WSCD2: variants seen among roughly 807,000 people sequenced by gnomAD.
The protein encoded by WSCD2 is WSC domain sialate O sulfotransferase 2, also known as sialate:O-sulfotransferase 2.
In WSCD2, 28 loss-of-function variants were observed where a neutral mutation model predicts 55.7. The ratio of observed to expected loss-of-function variants is 0.50; its 90% CI spans 0.37 to 0.69. WSCD2 has a LOEUF of 0.69. Among genes scored for constraint, WSCD2 ranks in the 30% least tolerant of loss-of-function variants. The probability of loss-of-function intolerance (pLI) is 0.00; values close to 1 mark genes in which losing one functional copy is unlikely to be tolerated. For missense variants in WSCD2, 616 were observed against 762.1 expected (o/e 0.81, Z 2.26); for synonymous variants, 301 against 301.9 (o/e 1.00, Z 0.03).
chr12:108,131,136 T>C (rs1875466242), intron 1 of WSCD2, among the ~76,000 whole-genome samples: 1 of 152,138 alleles, frequency 6.6e-6, no homozygotes, highest in Non-Finnish European at 1.5e-5. Context: ...AACCCAAGAA[T>C]TCCTCCAGGG....
chr12:108,137,316 A>T (rs1876328554), intron 1 of WSCD2, among the ~76,000 whole-genome samples: 1 of 152,232 alleles, frequency 6.6e-6, no homozygotes, highest in South Asian at 2.1e-4. Flanking sequence ...ACAATAAGAA[A>T]GTAGTCTGAT....
intron 1 of WSCD2, among the ~76,000 whole-genome samples, chr12:108,180,852 G>A (rs1016391166): frequency 9.2e-5 from 14 of 152,232 alleles, no homozygotes; most frequent in Non-Finnish European, 1.9e-4. Context: ...GCTTTAAACC[G>A]AGCACAGCAG....
At chr12:108,205,785 T>C (rs1232250477) in intron 2 of WSCD2, among the ~76,000 whole-genome samples, 1 of 152,252 alleles carries the variant, frequency 6.6e-6, no homozygotes, top group African/African-American at 2.4e-5. Context: ...ACTAGGTATC[T>C]GAAAGGTTAA....
intron 1 of WSCD2, among the ~76,000 whole-genome samples, chr12:108,143,629 T>C (rs950993011): frequency 6.6e-6 from 1 of 152,170 alleles, no homozygotes; most frequent in African/African-American, 2.4e-5. Flanking sequence ...CTATTATGAC[T>C]GATGTTACAA....
chr12:108,195,195 C>G (rs1883758159), intron 1 of WSCD2, 87 bp from the exon 2 acceptor site: 1 of 152,434 alleles, frequency 6.6e-6, no homozygotes, highest in South Asian at 2.1e-4. Flanking sequence ...CGGGCCTCTG[C>G]ATTTCCCTGT....
intron 2 of WSCD2, among the ~76,000 whole-genome samples, chr12:108,200,839 G>T (rs1884574442): frequency 6.6e-6 from 1 of 152,164 alleles, no homozygotes; most frequent in African/African-American, 2.4e-5. Flanking sequence ...TGACCAAAGT[G>T]AGTGGTGCAT....
At chr12:108,231,857 C>T (rs1888794859) in intron 6 of WSCD2, among the ~76,000 whole-genome samples, 1 of 151,652 alleles carries the variant, frequency 6.6e-6, no homozygotes, top group Non-Finnish European at 1.5e-5. Flanking sequence ...TAGTAATGCA[C>T]TAATGATAGC....
At chr12:108,177,150 G>C (rs1348808231) in intron 1 of WSCD2, among the ~76,000 whole-genome samples, 1 of 151,974 alleles carries the variant, frequency 6.6e-6, no homozygotes, top group Non-Finnish European at 1.5e-5. Context: ...CTGTTAAATG[G>C]GGCTTGTATT....
intron 1 of WSCD2, among the ~76,000 whole-genome samples, chr12:108,162,484 C>A (rs1490403675): frequency 6.6e-6 from 1 of 152,212 alleles, no homozygotes. Flanking sequence ...TATCAATGTG[C>A]CCCACACATG....
At chr12:108,238,898 G>A (rs1889479920) in intron 7 of WSCD2, among the ~76,000 whole-genome samples, 1 of 152,162 alleles carries the variant, frequency 6.6e-6, no homozygotes. Flanking sequence ...TGTAACCTGG[G>A]CGAGTTATTG....
At chr12:108,152,629 G>A (rs545299290) in intron 1 of WSCD2, among the ~76,000 whole-genome samples, 2 of 152,150 alleles carry the variant, frequency 1.3e-5, no homozygotes, top group Non-Finnish European at 2.9e-5. Flanking sequence ...CCAGAAGCCC[G>A]AGGGGCCTTT....
In WSCD2 at chr12:108,179,782, CTGG is replaced by C. The variant is rs1881429343; in HGVS notation, c.-551-15499_-551-15497del. Among the ~76,000 whole-genome samples the C allele has an allele frequency of 3.3e-5, 5 of 152,350 alleles. No homozygotes were observed. The South Asian group carries it at 1.0e-3, about 32-fold the overall frequency. ...GACCTGCGTCACCTTGGGCAAGTCG[CTGG>C]ACCTATCTGAGCCTCAGTTTCTCAT... On this transcript the variant is annotated intron_variant, in intron 1 of 8. Coordinates refer to ENST00000547525, the MANE Select transcript of WSCD2 (RefSeq NM_014653.4).
intron 1 of WSCD2, among the ~76,000 whole-genome samples, chr12:108,192,036 A>G: frequency 6.6e-6 from 1 of 152,212 alleles, no homozygotes; most frequent in East Asian, 1.9e-4. Context: ...ACAATGAAAA[A>G]GGACTAGACC....
intron 1 of WSCD2, among the ~76,000 whole-genome samples, chr12:108,161,900 C>T (rs1333759676): frequency 1.3e-5 from 2 of 152,188 alleles, no homozygotes; most frequent in Non-Finnish European, 2.9e-5. Flanking sequence ...AAAAGCTCCA[C>T]CTGATCAGAA....
chr12:108,166,761 T>TTTCTTACTTTCTTTCTTTCTTTCTTTC, intron 1 of WSCD2, among the ~76,000 whole-genome samples: 1 of 124,886 alleles, frequency 8.0e-6, no homozygotes, highest in African/African-American at 3.1e-5. Flanking sequence ...TCTTTCTTTC[T>TTTCTTACTTTCTTTCTTTCTTTCTTTC]TTTCTTTCTT....
chr12:108,185,963 AGGGCTGCCAGCTGCCTCATG>A (rs1208242553), intron 1 of WSCD2, among the ~76,000 whole-genome samples: 1 of 152,176 alleles, frequency 6.6e-6, no homozygotes, highest in Non-Finnish European at 1.5e-5. Context: ...CACTTGGAGA[AGGGCTGCCAGCTGCCTCATG>A]GGGTGGCCAG....
intron 1 of WSCD2, among the ~76,000 whole-genome samples, chr12:108,144,541 C>T (rs1877193611): frequency 6.6e-6 from 1 of 152,196 alleles, no homozygotes; most frequent in African/African-American, 2.4e-5. Context: ...TCTATCCTAG[C>T]TCTCTCCCAG....
At chr12:108,203,544 G>A (rs1480035578) in intron 2 of WSCD2, among the ~76,000 whole-genome samples, 1 of 152,196 alleles carries the variant, frequency 6.6e-6, no homozygotes, top group Non-Finnish European at 1.5e-5. Context: ...GTCTCCTGTG[G>A]TCAGGGAAAG....
rs1449991632 is a variant in WSCD2, at chr12:108,195,726, C to A, written c.-107C>A. ...TTTTCAGGAAGAGTGAGACTGAGGA[C>A]CCCCAAGTGTTCCATCCCTAAGGAA... On this transcript the variant is annotated 5_prime_UTR_variant, in exon 2 of 9. Transcript: ENST00000547525. The A allele has an allele frequency of 1.4e-6, 2 of 1,436,092 alleles. No individual in the cohort carries two copies. The highest frequency in any genetic ancestry group is 1.4e-5 in the African/African-American group (1 of 69,864). 89.0% of individuals were successfully genotyped at this position (1,436,092 alleles called of 1,614,324 possible). A position where few individuals can be genotyped will look rare whatever the true frequency, so the allele number is the denominator to read the frequency against.
Sources: gnomAD v4.1 joint callset for allele counts (sites outside exome capture counted in the v4.1 genomes callset) on GRCh38, gnomAD v4.1.1 for gene constraint, MANE v1.5 for transcripts, NCBI Gene and HGNC (gene_info 2026-07-23, HGNC 2026-07-21) for gene names.